DOCK9: variants seen among roughly 807,000 people sequenced by gnomAD.
The protein encoded by DOCK9 is dedicator of cytokinesis 9, also known as dedicator of cytokinesis protein 9.
DOCK9 carries 89 observed loss-of-function variants against 263.3 expected under a neutral mutation model. The ratio of observed to expected loss-of-function variants is 0.34; its 90% CI spans 0.28 to 0.40. DOCK9 has a LOEUF of 0.40. Ranked by LOEUF, DOCK9 falls within the 10% of genes least tolerant of loss-of-function variation. The pLI, the probability that DOCK9 is intolerant of heterozygous loss-of-function variation, is 1.00. For missense variants in DOCK9, 2,140 were observed against 2,603.4 expected (o/e 0.82, Z 3.87); for synonymous variants, 976 against 973.1 (o/e 1.00, Z -0.06).
chr13:99,028,042 TAGA>T (rs1239845775), intron 1 of DOCK9, among the ~76,000 whole-genome samples: 1 of 152,164 alleles, frequency 6.6e-6, no homozygotes, highest in Non-Finnish European at 1.5e-5. Context: ...CAGAAATCAA[TAGA>T]AGAAGTAGGA....
At chr13:98,796,111 CATT>C in intron 52 of DOCK9, 1 of 947,628 alleles carries the variant, frequency 1.1e-6, no homozygotes, top group South Asian at 1.4e-5. Context: ...CATGTACTGT[CATT>C]ATGCCAATGT....
chr13:99,047,341 A>G (rs369051344), intron 1 of DOCK9, among the ~76,000 whole-genome samples: 10 of 152,218 alleles, frequency 6.6e-5, no homozygotes, highest in African/African-American at 1.2e-4. Flanking sequence ...CCATCGCAGC[A>G]CATAAGCACG....
Position 98,860,472 on chromosome 13 carries a change from C to T in DOCK9, c.3630G>A (p.Thr1210=), listed in dbSNP as rs1347475447. The change falls in exon 33 of 53, where the codon ACG becomes ACA. Residue 1210 remains threonine (T), a synonymous_variant. Coordinates refer to ENST00000682017, the MANE Select transcript of DOCK9 (RefSeq NM_001366683.2). ...TGTCCAGGGTGCTTCCCTTCTGCGG[C>T]GTCACCAGCGGATTCACAGCTGGTA... The part of the protein sequence containing the change: ...LALPAVNPLV[T]PQKGSTLDNS... The T allele has an allele frequency of 7.6e-6, 12 of 1,587,958 alleles. No homozygotes were observed. Among genetic ancestry groups the T allele is most frequent in the South Asian group, 4.6e-5 (4 of 86,890 alleles).
chr13:98,809,915 G>C (rs1245534966), intron 46 of DOCK9, among the ~76,000 whole-genome samples: 1 of 152,140 alleles, frequency 6.6e-6, no homozygotes, highest in Non-Finnish European at 1.5e-5. Flanking sequence ...GCAGCCTTTC[G>C]AAAGTGGAGT....
intron 3 of DOCK9, among the ~76,000 whole-genome samples, chr13:98,926,651 G>A (rs1466202450): frequency 6.6e-6 from 1 of 152,156 alleles, no homozygotes; most frequent in Non-Finnish European, 1.5e-5. Flanking sequence ...AGATTATAAT[G>A]CCACATCCAC....
At chr13:98,816,147 T>G (rs2091827873) in intron 45 of DOCK9, among the ~76,000 whole-genome samples, 1 of 152,170 alleles carries the variant, frequency 6.6e-6, no homozygotes, top group African/African-American at 2.4e-5. Context: ...AAATAGGATT[T>G]AGTTTCTATA....
chr13:99,051,848 C>A (rs2040709448), intron 1 of DOCK9, among the ~76,000 whole-genome samples: 2 of 66,700 alleles, frequency 3.0e-5, no homozygotes, highest in Admixed American at 2.0e-4. Context: ...ACATGTTCCA[C>A]TAGTGGCAAA....
chr13:98,879,992 C>T, intron 26 of DOCK9, 23 bp from the exon 27 acceptor site: 2 of 1,563,814 alleles, frequency 1.3e-6, no homozygotes, highest in Non-Finnish European at 1.7e-6. Flanking sequence ...AGAACAGGAC[C>T]CAGTAAGAAC....
chr13:99,083,012 T>A (rs1410568911), intron 1 of DOCK9, among the ~76,000 whole-genome samples: 4 of 152,144 alleles, frequency 2.6e-5, no homozygotes, highest in Non-Finnish European at 4.4e-5. Context: ...CCCAGCACTT[T>A]GGGAGGCCGA....
intron 1 of DOCK9, among the ~76,000 whole-genome samples, chr13:98,983,620 A>ATT (rs543813568): frequency 2.8e-5 from 4 of 143,940 alleles, no homozygotes; most frequent in East Asian, 2.1e-4. Context: ...TATTATTATT[A>ATT]TTATTTTTTT....
intron 1 of DOCK9, among the ~76,000 whole-genome samples, chr13:99,060,856 A>C (rs917814871): frequency 6.6e-6 from 1 of 152,174 alleles, no homozygotes; most frequent in African/African-American, 2.4e-5. Context: ...TGTCCCATTT[A>C]CAGCTCTATC....
At chr13:98,938,463 G>C (rs1238926439) in intron 2 of DOCK9, among the ~76,000 whole-genome samples, 1 of 152,066 alleles carries the variant, frequency 6.6e-6, no homozygotes, top group Non-Finnish European at 1.5e-5. Flanking sequence ...CTCTCAAATG[G>C]TTTATCTGAG....
intron 1 of DOCK9, among the ~76,000 whole-genome samples, chr13:99,013,569 T>C (rs1032950112): frequency 2.6e-5 from 4 of 152,156 alleles, no homozygotes; most frequent in African/African-American, 9.7e-5. Context: ...CGGGGCATTT[T>C]AGGGTTAAGC....
At chr13:98,935,186 A>G (rs1268619030) in intron 2 of DOCK9, among the ~76,000 whole-genome samples, 3 of 152,226 alleles carry the variant, frequency 2.0e-5, no homozygotes, top group Non-Finnish European at 4.4e-5. Flanking sequence ...AGTCATATTC[A>G]GTACAAAATG....
At chr13:99,038,099 T>C (rs916402809) in intron 1 of DOCK9, among the ~76,000 whole-genome samples, 4 of 152,158 alleles carry the variant, frequency 2.6e-5, no homozygotes, top group African/African-American at 9.7e-5. Context: ...GTACATCAAT[T>C]ATCATCAATA....
chr13:99,075,979 G>T (rs558979403), intron 1 of DOCK9, among the ~76,000 whole-genome samples: 1 of 152,074 alleles, frequency 6.6e-6, no homozygotes, highest in Non-Finnish European at 1.5e-5. Flanking sequence ...ACACCCAAGC[G>T]CTATCTTAAT....
At chr13:98,830,033 C>T (rs1448387691) in intron 41 of DOCK9, among the ~76,000 whole-genome samples, 1 of 152,066 alleles carries the variant, frequency 6.6e-6, no homozygotes, top group Non-Finnish European at 1.5e-5. Flanking sequence ...GAGATAAGCC[C>T]ATCCACTTGG....
chr13:98,850,392 T>C (rs1170724012), intron 35 of DOCK9, among the ~76,000 whole-genome samples: 1 of 152,246 alleles, frequency 6.6e-6, no homozygotes, highest in Non-Finnish European at 1.5e-5. Flanking sequence ...AACTTATTCG[T>C]AACATGCTCT....
chr13:98,926,952 G>A (rs1469238907), intron 3 of DOCK9, among the ~76,000 whole-genome samples: 1 of 152,232 alleles, frequency 6.6e-6, no homozygotes, highest in Non-Finnish European at 1.5e-5. Flanking sequence ...CACAGGCCAT[G>A]CCTGAAGGTC....
Sources: gnomAD v4.1 joint callset for allele counts (sites outside exome capture counted in the v4.1 genomes callset) on GRCh38, gnomAD v4.1.1 for gene constraint, MANE v1.5 for transcripts, NCBI Gene and HGNC (gene_info 2026-07-23, HGNC 2026-07-21) for gene names.